The following DYNC1I1 variants were observed in gnomAD, a reference collection of about 807,000 sequenced individuals.
The protein encoded by DYNC1I1 is cytoplasmic dynein 1 intermediate chain 1.
Under a neutral mutation model 86.6 loss-of-function variants are expected in DYNC1I1, and 43 were observed. The ratio of observed to expected loss-of-function variants is 0.50; its 90% CI spans 0.39 to 0.64. The LOEUF is 0.64. Ranked by LOEUF, DYNC1I1 falls within the 30% of genes least tolerant of loss-of-function variation. The pLI, the probability that DYNC1I1 is intolerant of heterozygous loss-of-function variation, is 0.00. For missense variants in DYNC1I1, 604 were observed against 788.8 expected, an observed-to-expected ratio of 0.77 and a Z score of 2.81; for synonymous variants, 262 against 283.7, an observed-to-expected ratio of 0.92 and a Z score of 0.77.
intron 4 of DYNC1I1, among the ~76,000 whole-genome samples, chr7:95,824,206 G>A (rs1339387984): frequency 6.6e-6 from 1 of 151,304 alleles, no homozygotes; most frequent in Non-Finnish European, 1.5e-5. Context: ...CGCCCAGGCT[G>A]GTCTTGGAAC....
chr7:95,967,476 G>A (rs2116528814), intron 6 of DYNC1I1, among the ~76,000 whole-genome samples: 1 of 152,190 alleles, frequency 6.6e-6, no homozygotes, highest in East Asian at 1.9e-4. Flanking sequence ...CTTTGCCTAG[G>A]TTGCTCTCCC....
At chr7:95,989,095 A>G (rs1306901591) in intron 9 of DYNC1I1, among the ~76,000 whole-genome samples, 1 of 152,196 alleles carries the variant, frequency 6.6e-6, no homozygotes, top group Non-Finnish European at 1.5e-5. Context: ...CTCAAAGTTC[A>G]GTGGAGGTTG....
intron 10 of DYNC1I1, among the ~76,000 whole-genome samples, chr7:96,027,374 T>C (rs578042503): frequency 1.6e-4 from 24 of 152,336 alleles, no homozygotes; most frequent in African/African-American, 5.3e-4. Flanking sequence ...AAACAGTTAC[T>C]TCTCTGACTT....
At chr7:96,095,904 CAG>C (rs1206768153) in intron 16 of DYNC1I1, among the ~76,000 whole-genome samples, 2 of 152,028 alleles carry the variant, frequency 1.3e-5, no homozygotes, top group Non-Finnish European at 2.9e-5. Flanking sequence ...AAAAGGGTAT[CAG>C]AATCATTCAA....
intron 6 of DYNC1I1, among the ~76,000 whole-genome samples, chr7:95,952,364 C>A (rs1792583758): frequency 6.6e-6 from 1 of 152,150 alleles, no homozygotes; most frequent in African/African-American, 2.4e-5. Context: ...TTGCAACTCC[C>A]TTCACTAATG....
intron 6 of DYNC1I1, among the ~76,000 whole-genome samples, chr7:95,959,656 T>C (rs1327007029): frequency 1.3e-5 from 2 of 152,190 alleles, no homozygotes; most frequent in Non-Finnish European, 2.9e-5. Context: ...AAAATTAAAT[T>C]AGACCTGGGT....
chr7:95,989,941 A>T (rs1412242548), intron 9 of DYNC1I1, among the ~76,000 whole-genome samples: 1 of 152,158 alleles, frequency 6.6e-6, no homozygotes, highest in Non-Finnish European at 1.5e-5. Flanking sequence ...CAATCGAATG[A>T]TATTAAGAAA....
intron 16 of DYNC1I1, among the ~76,000 whole-genome samples, chr7:96,108,998 A>G (rs1791263975): frequency 6.6e-6 from 1 of 151,580 alleles, no homozygotes; most frequent in Non-Finnish European, 1.5e-5. Flanking sequence ...TGTTTCATTT[A>G]TTGGCATAAA....
At chr7:95,868,063 T>C (rs1446271530) in intron 5 of DYNC1I1, among the ~76,000 whole-genome samples, 3 of 152,212 alleles carry the variant, frequency 2.0e-5, no homozygotes, top group Non-Finnish European at 2.9e-5. Flanking sequence ...CCCATTTCTG[T>C]GTAAGAAGGG....
Position 96,097,464 on chromosome 7 carries a change from C to T in DYNC1I1, c.1777-19C>T, listed in dbSNP as rs914317165. On this transcript the variant is annotated intron_variant, in intron 16 of 16. Coordinates refer to ENST00000447467, the MANE Select transcript of DYNC1I1 (RefSeq NM_001135556.2). ...GAAAGATATCTTGTTCATCATTTCT[C>T]CATTGATTTGCTTTGCAGCTTGCAG... is the stretch of plus-strand genomic sequence containing the variant. 2.5e-6 allele frequency: 4 copies of T among 1,613,054 alleles called. No homozygotes were observed. Among genetic ancestry groups the T allele is most frequent in the Admixed American group, 3.3e-5 (2 of 59,928 alleles).
chr7:95,954,428 T>C (rs1046337557), intron 6 of DYNC1I1, among the ~76,000 whole-genome samples: 1 of 151,948 alleles, frequency 6.6e-6, no homozygotes, highest in Admixed American at 6.6e-5. Context: ...GCATTTCCAT[T>C]GACACAGAAA....
chr7:95,780,514 G>A (rs1024623907), intron 1 of DYNC1I1, among the ~76,000 whole-genome samples: 14 of 149,836 alleles, frequency 9.3e-5, no homozygotes, highest in Non-Finnish European at 1.8e-4. Flanking sequence ...TCCTGACCTC[G>A]TGATCCGCCT....
chr7:95,909,794 C>T (rs920212435), intron 6 of DYNC1I1, among the ~76,000 whole-genome samples: 2 of 152,064 alleles, frequency 1.3e-5, no homozygotes, highest in African/African-American at 2.4e-5. Flanking sequence ...CTTGGCAGTG[C>T]GAGCCACAGA....
chr7:95,829,848 A>C (rs943573396), intron 5 of DYNC1I1, among the ~76,000 whole-genome samples: 6 of 151,986 alleles, frequency 3.9e-5, no homozygotes, highest in Non-Finnish European at 2.9e-5. Flanking sequence ...TATACCCCAA[A>C]CTAGGCATTT....
chr7:96,004,770 A>G (rs573857275), intron 10 of DYNC1I1, among the ~76,000 whole-genome samples: 1 of 152,328 alleles, frequency 6.6e-6, no homozygotes, highest in African/African-American at 2.4e-5. Context: ...AGCAGTGACA[A>G]AATCCACAGT....
chr7:95,881,956 T>C (rs745590013), intron 6 of DYNC1I1, among the ~76,000 whole-genome samples: 3 of 152,226 alleles, frequency 2.0e-5, no homozygotes, highest in Admixed American at 6.5e-5. Flanking sequence ...CCTTGCACAT[T>C]GCTACCCTCA....
At chr7:95,944,496 C>T in intron 6 of DYNC1I1, among the ~76,000 whole-genome samples, 1 of 152,184 alleles carries the variant, frequency 6.6e-6, no homozygotes, top group Non-Finnish European at 1.5e-5. Flanking sequence ...ACTAGAAATA[C>T]CATCTGACCC....
intron 12 of DYNC1I1, among the ~76,000 whole-genome samples, chr7:96,035,289 T>A (rs1373037277): frequency 6.6e-6 from 1 of 152,186 alleles, no homozygotes; most frequent in Admixed American, 6.5e-5. Context: ...AATACAAGGG[T>A]ATTGTGTGTT....
intron 4 of DYNC1I1, among the ~76,000 whole-genome samples, chr7:95,822,321 T>C (rs1223707706): frequency 6.6e-6 from 1 of 152,354 alleles, no homozygotes; most frequent in Non-Finnish European, 1.5e-5. Context: ...CTTAGTTGGT[T>C]ACGGCTAGTT....
Sources: allele counts gnomAD v4.1 joint callset (sites outside exome capture counted in the v4.1 genomes callset), GRCh38; gene constraint gnomAD v4.1.1; transcripts MANE v1.5; gene names NCBI Gene and HGNC (gene_info 2026-07-23, HGNC 2026-07-21).